NLGN1: variants seen among roughly 807,000 people sequenced by gnomAD.
NLGN1 encodes neuroligin-1.
A neutral mutation model predicts 65.5 loss-of-function variants in NLGN1; 12 were observed. The ratio of observed to expected loss-of-function variants is 0.18; its 90% CI spans 0.12 to 0.30. NLGN1 has a LOEUF of 0.30. NLGN1 is among the 10% of genes least tolerant of loss of function. NLGN1 has a pLI of 1.00. For missense variants in NLGN1, 750 were observed against 1,007.1 expected (o/e 0.74, Z 3.46); for synonymous variants, 350 against 359.5 (o/e 0.97, Z 0.30).
At chr3:173,450,990 C>A (rs187302879) in intron 2 of NLGN1, among the ~76,000 whole-genome samples, 116 of 152,224 alleles carry the variant, frequency 7.6e-4, no homozygotes, top group Non-Finnish European at 1.4e-3. Flanking sequence ...TTTTTAACTT[C>A]TTTGTCATTG....
At chr3:174,080,089 C>T (rs1347359220) in intron 4 of NLGN1, among the ~76,000 whole-genome samples, 2 of 152,162 alleles carry the variant, frequency 1.3e-5, no homozygotes, top group Non-Finnish European at 1.5e-5. Context: ...TGTACATACT[C>T]TCCACATATT....
chr3:173,450,498 T>G (rs1721289135), intron 2 of NLGN1, among the ~76,000 whole-genome samples: 1 of 152,180 alleles, frequency 6.6e-6, no homozygotes, highest in South Asian at 2.1e-4. Flanking sequence ...CTTAACATTT[T>G]TTCCTTCATT....
intron 4 of NLGN1, among the ~76,000 whole-genome samples, chr3:173,842,062 A>G (rs531921123): frequency 6.6e-4 from 101 of 152,360 alleles, no homozygotes; most frequent in African/African-American, 2.3e-3. Context: ...CCTCACAATC[A>G]TAGCAGAAAG....
intron 4 of NLGN1, among the ~76,000 whole-genome samples, chr3:173,832,357 C>T (rs888767355): frequency 1.3e-5 from 2 of 152,164 alleles, no homozygotes; most frequent in Non-Finnish European, 2.9e-5. Flanking sequence ...ATTCTATTAT[C>T]ACTGGAAAAC....
chr3:174,186,889 T>A (rs1021069277), intron 4 of NLGN1, among the ~76,000 whole-genome samples: 2 of 151,960 alleles, frequency 1.3e-5, no homozygotes, highest in African/African-American at 4.8e-5. Flanking sequence ...TAGCAATTGC[T>A]AAGTACAATT....
chr3:173,481,427 A>G (rs939266264), intron 2 of NLGN1, among the ~76,000 whole-genome samples: 12 of 152,012 alleles, frequency 7.9e-5, no homozygotes, highest in African/African-American at 2.9e-4. Flanking sequence ...TCTTATGAAT[A>G]TGTTAATTGA....
At chr3:173,432,820 G>C (rs1717428725) in intron 1 of NLGN1, among the ~76,000 whole-genome samples, 1 of 151,868 alleles carries the variant, frequency 6.6e-6, no homozygotes, top group Non-Finnish European at 1.5e-5. Context: ...TTTATTTCCT[G>C]TTATCTTTTA....
intron 2 of NLGN1, among the ~76,000 whole-genome samples, chr3:173,477,539 G>A (rs1279339641): frequency 1.3e-5 from 2 of 151,996 alleles, no homozygotes; most frequent in Non-Finnish European, 2.9e-5. Context: ...GCAAGAGCCT[G>A]TCTCAAAAAA....
chr3:174,255,220 G>A (rs1162414907), intron 4 of NLGN1, among the ~76,000 whole-genome samples: 2 of 152,198 alleles, frequency 1.3e-5, no homozygotes, highest in African/African-American at 4.8e-5. Flanking sequence ...CGGACCACAA[G>A]GTCAGGAGAT....
chr3:173,600,907 C>T (rs1450825496), intron 2 of NLGN1, among the ~76,000 whole-genome samples: 1 of 151,884 alleles, frequency 6.6e-6, no homozygotes, highest in East Asian at 1.9e-4. Context: ...ATCTAATGTT[C>T]TCCCTACTCC....
At chr3:173,671,931 T>TG (rs1347573596) in intron 3 of NLGN1, among the ~76,000 whole-genome samples, 1 of 152,102 alleles carries the variant, frequency 6.6e-6, no homozygotes, top group Non-Finnish European at 1.5e-5. Context: ...TCCCAGCACT[T>TG]TGGGAGGCCG....
intron 4 of NLGN1, among the ~76,000 whole-genome samples, chr3:173,967,409 G>T (rs951872967): frequency 2.0e-5 from 3 of 152,090 alleles, no homozygotes; most frequent in African/African-American, 7.2e-5. Flanking sequence ...CTTTCCTTTT[G>T]AAATAGATGT....
At chr3:173,607,125 C>T (rs2149455653) in intron 3 of NLGN1, among the ~76,000 whole-genome samples, 1 of 151,994 alleles carries the variant, frequency 6.6e-6, no homozygotes, top group South Asian at 2.1e-4. Flanking sequence ...GAGAAAGTGA[C>T]CTTTCTTCTC....
At chr3:174,273,866 A>G (rs1749972768) in intron 4 of NLGN1, among the ~76,000 whole-genome samples, 1 of 151,704 alleles carries the variant, frequency 6.6e-6, no homozygotes, top group Non-Finnish European at 1.5e-5. Flanking sequence ...ATTCTTTTCT[A>G]CAATGATCCT....
intron 3 of NLGN1, among the ~76,000 whole-genome samples, chr3:173,609,076 C>A (rs1751852005): frequency 6.6e-6 from 1 of 151,894 alleles, no homozygotes; most frequent in African/African-American, 2.4e-5. Flanking sequence ...GAGTCGCTAA[C>A]AAACAAGAAA....
intron 4 of NLGN1, among the ~76,000 whole-genome samples, chr3:174,213,462 C>T (rs952778034): frequency 1.3e-5 from 2 of 152,102 alleles, no homozygotes; most frequent in Non-Finnish European, 2.9e-5. Context: ...GATGTATAAT[C>T]AATCAAACAA....
At chr3:174,236,463 T>A (rs775091069) in intron 4 of NLGN1, among the ~76,000 whole-genome samples, 3 of 152,098 alleles carry the variant, frequency 2.0e-5, no homozygotes, top group Non-Finnish European at 4.4e-5. Flanking sequence ...ATCAGAGACA[T>A]GTAAAGATTG....
At chr3:173,943,201 T>C (rs1746466525) in intron 4 of NLGN1, among the ~76,000 whole-genome samples, 1 of 150,840 alleles carries the variant, frequency 6.6e-6, no homozygotes, top group South Asian at 2.1e-4. Context: ...CACTCCAGCC[T>C]GGGGGACAGA....
At chr3:173,592,343 A>G (rs1577427486) in intron 2 of NLGN1, among the ~76,000 whole-genome samples, 1 of 152,316 alleles carries the variant, frequency 6.6e-6, no homozygotes, top group Non-Finnish European at 1.5e-5. Context: ...TATAGCAGAA[A>G]TACTCAGTTT....
Sources: gnomAD v4.1 joint callset for allele counts (sites outside exome capture counted in the v4.1 genomes callset) on GRCh38, gnomAD v4.1.1 for gene constraint, MANE v1.5 for transcripts, NCBI Gene and HGNC (gene_info 2026-07-23, HGNC 2026-07-21) for gene names.